TBC1D8: variants seen among roughly 807,000 people sequenced by gnomAD.
The protein encoded by TBC1D8 is BUB2-like protein 1.
Under a neutral mutation model 118.8 loss-of-function variants are expected in TBC1D8, and 65 were observed. The ratio of observed to expected loss-of-function variants is 0.55; its 90% CI spans 0.45 to 0.67. TBC1D8 has a LOEUF of 0.67. Ranked by LOEUF, TBC1D8 falls within the 30% of genes least tolerant of loss-of-function variation. TBC1D8 has a pLI of 0.00. For missense variants in TBC1D8, 1,376 were observed against 1,471.2 expected, an observed-to-expected ratio of 0.94 and a Z score of 1.06; for synonymous variants, 566 against 595.8, an observed-to-expected ratio of 0.95 and a Z score of 0.73.
chr2:101,135,150 C>G (rs373147126), intron 1 of TBC1D8, among the ~76,000 whole-genome samples: 1 of 151,810 alleles, frequency 6.6e-6, no homozygotes, highest in Admixed American at 6.6e-5. Flanking sequence ...CCAGCCTGGG[C>G]GACAGAGCGA....
intron 5 of TBC1D8, among the ~76,000 whole-genome samples, chr2:101,049,026 T>G (rs1681886211): frequency 6.6e-6 from 1 of 152,202 alleles, no homozygotes; most frequent in South Asian, 2.1e-4. Flanking sequence ...CTCAGATTGC[T>G]TCTACCTTTT....
chr2:101,112,878 C>T (rs1677668029), intron 1 of TBC1D8, among the ~76,000 whole-genome samples: 1 of 152,174 alleles, frequency 6.6e-6, no homozygotes, highest in Non-Finnish European at 1.5e-5. Flanking sequence ...ACTCTTTTGC[C>T]AGTTTCTGCT....
chr2:101,088,851 C>A (rs1258970710), intron 2 of TBC1D8, among the ~76,000 whole-genome samples: 5 of 152,098 alleles, frequency 3.3e-5, no homozygotes, highest in Non-Finnish European at 7.4e-5. Flanking sequence ...TGATTACAGG[C>A]ATGAGCCACC....
chr2:101,149,820 C>G (rs1236715992), intron 1 of TBC1D8, among the ~76,000 whole-genome samples: 1 of 152,186 alleles, frequency 6.6e-6, no homozygotes, highest in Non-Finnish European at 1.5e-5. Flanking sequence ...CTCCCTCCCC[C>G]AAAGCTCAAA....
intron 2 of TBC1D8, among the ~76,000 whole-genome samples, chr2:101,072,992 AT>A (rs1471085789): frequency 6.6e-6 from 1 of 152,204 alleles, no homozygotes; most frequent in Non-Finnish European, 1.5e-5. Flanking sequence ...TATTCAGTAA[AT>A]CATGCTATAA....
At position 101,036,143 on chromosome 2, in the gene TBC1D8, A is replaced by G; in HGVS notation, c.1478T>C (p.Leu493Pro). Residue 493 changes from leucine (L) to proline (P), a missense_variant, in exon 9 of 20, where the codon CTG becomes CCG. Transcript: ENST00000409318. ...RMSREQIKISLWNDHFVEYGR... is the reference protein window; with the variant it reads ...RMSREQIKISPWNDHFVEYGR... Reference sequence around the variant, plus strand: ...GTATTCCACAAAGTGGTCATTCCACAGGCTTATTTTTATCTGTTCTCTGGA... The same window carrying G: ...GTATTCCACAAAGTGGTCATTCCACGGGCTTATTTTTATCTGTTCTCTGGA... 6.2e-7 allele frequency: 1 copy of G among 1,613,920 alleles called. No homozygotes were observed.
chr2:101,094,683 T>C (rs1292039500), intron 1 of TBC1D8, among the ~76,000 whole-genome samples: 3 of 152,306 alleles, frequency 2.0e-5, no homozygotes, highest in South Asian at 2.1e-4. Flanking sequence ...GGACATTTTA[T>C]GTCAAGACCA....
chr2:101,018,047 G>A, intron 17 of TBC1D8: 1 of 1,004,794 alleles, frequency 1.0e-6, no homozygotes. Flanking sequence ...CTTTTTCACT[G>A]ACAAATGTAA....
chr2:101,118,371 C>T (rs1677925369), intron 1 of TBC1D8, among the ~76,000 whole-genome samples: 1 of 152,158 alleles, frequency 6.6e-6, no homozygotes, highest in Admixed American at 6.6e-5. Context: ...TGTTGGCTGA[C>T]AATATGATCT....
At chr2:101,122,610 G>C (rs915037076) in intron 1 of TBC1D8, among the ~76,000 whole-genome samples, 1 of 151,916 alleles carries the variant, frequency 6.6e-6, no homozygotes, top group African/African-American at 2.4e-5. Flanking sequence ...CTCTATTGAC[G>C]ATTTTGTTAC....
intron 1 of TBC1D8, among the ~76,000 whole-genome samples, chr2:101,098,609 T>C (rs573680327): frequency 1.8e-4 from 27 of 152,270 alleles, no homozygotes; most frequent in Non-Finnish European, 3.5e-4. Context: ...GACCACATAA[T>C]TGGAAGTAAA....
intron 2 of TBC1D8, among the ~76,000 whole-genome samples, chr2:101,077,762 C>G (rs969285974): frequency 1.3e-5 from 2 of 152,074 alleles, no homozygotes; most frequent in Non-Finnish European, 2.9e-5. Flanking sequence ...ATGATAATAG[C>G]CCTTCCCTAA....
intron 15 of TBC1D8, among the ~76,000 whole-genome samples, chr2:101,023,239 G>A (rs1472350281): frequency 6.6e-6 from 1 of 151,748 alleles, no homozygotes; most frequent in Non-Finnish European, 1.5e-5. Context: ...CCGCCTCCAA[G>A]GTTCAAACCA....
At chr2:101,075,905 C>A (rs1298174964) in intron 2 of TBC1D8, among the ~76,000 whole-genome samples, 1 of 152,000 alleles carries the variant, frequency 6.6e-6, no homozygotes, top group Non-Finnish European at 1.5e-5. Flanking sequence ...GTAGTGTTCA[C>A]TGTATAATTC....
intron 11 of TBC1D8, among the ~76,000 whole-genome samples, chr2:101,030,361 A>G (rs868444968): frequency 6.6e-6 from 1 of 152,374 alleles, no homozygotes. Flanking sequence ...TAAAGAGGCT[A>G]AAGATTTAAA....
rs1220805498 is a variant in TBC1D8 at position 101,027,345 on chromosome 2, C to T, written c.2520+38G>A. On this transcript the variant is annotated intron_variant, in intron 15 of 19. Coordinates refer to ENST00000409318, the MANE Select transcript of TBC1D8 (RefSeq NM_001330348.2). ...CTGGGCACCGCGGCTCAGGCCAGCTCAGGGCCTGGAACCCCTCATCTTCCC... is the reference window on the plus strand; with the variant it reads ...CTGGGCACCGCGGCTCAGGCCAGCTTAGGGCCTGGAACCCCTCATCTTCCC... The T allele has an allele frequency of 6.3e-6, 10 of 1,599,816 alleles. No homozygotes were observed. In the Admixed American group the frequency reaches 1.7e-4, roughly 27 times the overall value.
chr2:101,016,931 G>A (rs538535830), intron 17 of TBC1D8, among the ~76,000 whole-genome samples: 1 of 152,030 alleles, frequency 6.6e-6, no homozygotes, highest in African/African-American at 2.4e-5. Flanking sequence ...GTGTGGGGTT[G>A]GGGGGATGGG....
chr2:101,024,072 A>T (rs532288338), intron 15 of TBC1D8: 6 of 152,318 alleles, frequency 3.9e-5, no homozygotes, highest in Admixed American at 3.9e-4. Context: ...ATTCATGTAG[A>T]CTGTCACATC....
chr2:101,046,040 T>C (rs1382912813), intron 5 of TBC1D8, among the ~76,000 whole-genome samples: 1 of 152,122 alleles, frequency 6.6e-6, no homozygotes, highest in East Asian at 1.9e-4. Flanking sequence ...ATCAGGGAAA[T>C]ATCAAGCTTT....
Sources: gnomAD v4.1 joint callset for allele counts (sites outside exome capture counted in the v4.1 genomes callset) on GRCh38, gnomAD v4.1.1 for gene constraint, MANE v1.5 for transcripts, NCBI Gene and HGNC (gene_info 2026-07-23, HGNC 2026-07-21) for gene names.